The following HS6ST3 variants were observed in gnomAD, a reference collection of about 807,000 sequenced individuals.
HS6ST3 encodes heparan-sulfate 6-O-sulfotransferase 3.
A neutral mutation model predicts 36.7 loss-of-function variants in HS6ST3; 12 were observed. The observed-to-expected ratio is 0.33, with a 90% CI of 0.21 to 0.53. The LOEUF (loss-of-function observed/expected upper bound fraction) is 0.53, where lower values mean the gene tolerates loss of function less well. HS6ST3 is among the 20% of genes least tolerant of loss of function. The probability of loss-of-function intolerance (pLI) is 0.95; values close to 1 mark genes in which losing one functional copy is unlikely to be tolerated. For missense variants in HS6ST3, 584 were observed against 640.9 expected, an observed-to-expected ratio of 0.91 and a Z score of 0.96; for synonymous variants, 240 against 257.5, an observed-to-expected ratio of 0.93 and a Z score of 0.65.
Position 96,744,734 on chromosome 13 carries a change from G to A in HS6ST3, c.708-87756G>A, listed in dbSNP as rs547895653. Among the ~76,000 whole-genome samples the A allele has an allele frequency of 6.2e-4, 94 of 152,082 alleles. 2 individuals are homozygous for A. Among genetic ancestry groups the A allele is most frequent in the Non-Finnish European group, 1.1e-3 (78 of 67,980 alleles). On this transcript the variant is annotated intron_variant, in intron 1 of 1. Coordinates refer to ENST00000376705, the MANE Select transcript of HS6ST3 (RefSeq NM_153456.4). ...AGTCATGAGGGCAGAGCTTTCTGCGGTGGCAGGGTAGCCAAGATGAAAGGG... is the reference window on the plus strand; with the variant it reads ...AGTCATGAGGGCAGAGCTTTCTGCGATGGCAGGGTAGCCAAGATGAAAGGG...
At chr13:96,453,767 A>G (rs1295407293) in intron 1 of HS6ST3, among the ~76,000 whole-genome samples, 3 of 152,246 alleles carry the variant, frequency 2.0e-5, no homozygotes, top group Admixed American at 6.5e-5. Context: ...ATTACATCAC[A>G]GCACTGCTTA....
intron 1 of HS6ST3, among the ~76,000 whole-genome samples, chr13:96,737,518 G>A (rs1006304439): frequency 2.7e-5 from 4 of 150,250 alleles, no homozygotes; most frequent in East Asian, 3.9e-4. Context: ...CCAGCTACTC[G>A]GGAGGCTGAG....
At chr13:96,215,539 T>G (rs1471670527) in intron 1 of HS6ST3, among the ~76,000 whole-genome samples, 1 of 152,204 alleles carries the variant, frequency 6.6e-6, no homozygotes, top group Non-Finnish European at 1.5e-5. Context: ...TAAAAAAGAC[T>G]TAAGGGGAAG....
At chr13:96,580,914 C>T (rs1052347327) in intron 1 of HS6ST3, among the ~76,000 whole-genome samples, 6 of 151,870 alleles carry the variant, frequency 4.0e-5, no homozygotes, top group South Asian at 2.1e-4. Flanking sequence ...TTAATAATTT[C>T]ATAAGAAGTA....
chr13:96,599,739 G>A (rs2056414759), intron 1 of HS6ST3, among the ~76,000 whole-genome samples: 1 of 151,776 alleles, frequency 6.6e-6, no homozygotes, highest in Non-Finnish European at 1.5e-5. Context: ...GTAAGTTTGT[G>A]ATCTTTCTGT....
chr13:96,441,918 A>C (rs1019167447), intron 1 of HS6ST3, among the ~76,000 whole-genome samples: 4 of 152,222 alleles, frequency 2.6e-5, no homozygotes, highest in Non-Finnish European at 4.4e-5. Context: ...AAGTGAAAAA[A>C]ATCAATGGAA....
chr13:96,389,825 A>T (rs1231560670), intron 1 of HS6ST3, among the ~76,000 whole-genome samples: 1 of 152,176 alleles, frequency 6.6e-6, no homozygotes, highest in Non-Finnish European at 1.5e-5. Flanking sequence ...CAGAATCAAA[A>T]TGGAGCTCTG....
intron 1 of HS6ST3, among the ~76,000 whole-genome samples, chr13:96,765,175 G>A (rs953462861): frequency 9.5e-5 from 14 of 146,606 alleles, no homozygotes; most frequent in African/African-American, 3.5e-4. Flanking sequence ...CTGGGTTCAC[G>A]CCATTCTCCT....
At chr13:96,240,449 T>A (rs114003768) in intron 1 of HS6ST3, among the ~76,000 whole-genome samples, 1,825 of 152,288 alleles carry the variant, frequency 0.012, 30 homozygotes, top group African/African-American at 0.041. Context: ...TTGTATATAT[T>A]TTTTAAAAAG....
At chr13:96,489,111 CT>C (rs1646525781) in intron 1 of HS6ST3, among the ~76,000 whole-genome samples, 1 of 151,976 alleles carries the variant, frequency 6.6e-6, no homozygotes, top group Non-Finnish European at 1.5e-5. Flanking sequence ...TTTAGAGTCT[CT>C]AAAATACATC....
chr13:96,635,510 C>T (rs977489785), intron 1 of HS6ST3, among the ~76,000 whole-genome samples: 11 of 152,110 alleles, frequency 7.2e-5, no homozygotes, highest in Non-Finnish European at 1.3e-4. Flanking sequence ...AGTCTTCTCC[C>T]AATAGTCTTC....
intron 1 of HS6ST3, among the ~76,000 whole-genome samples, chr13:96,342,241 G>A (rs527303849): frequency 1.5e-3 from 233 of 152,260 alleles, no homozygotes; most frequent in Middle Eastern, 0.014. Flanking sequence ...GGACATTTAT[G>A]ATTTGAGACT....
intron 1 of HS6ST3, among the ~76,000 whole-genome samples, chr13:96,489,375 A>C (rs1376125474): frequency 6.8e-6 from 1 of 147,992 alleles, no homozygotes; most frequent in African/African-American, 2.5e-5. Flanking sequence ...TGTATATACA[A>C]ACACACACAC....
intron 1 of HS6ST3, among the ~76,000 whole-genome samples, chr13:96,268,825 G>A (rs1267486378): frequency 6.6e-6 from 1 of 151,502 alleles, no homozygotes; most frequent in Admixed American, 6.6e-5. Flanking sequence ...GAAGACACAC[G>A]CACACACATA....
intron 1 of HS6ST3, among the ~76,000 whole-genome samples, chr13:96,137,697 C>G (rs770012933): frequency 7.9e-5 from 12 of 152,198 alleles, no homozygotes; most frequent in Non-Finnish European, 1.3e-4. Flanking sequence ...TCCCAAAGTA[C>G]TGGGATTACA....
chr13:96,787,478 A>T (rs1029988693), intron 1 of HS6ST3, among the ~76,000 whole-genome samples: 1 of 152,032 alleles, frequency 6.6e-6, no homozygotes, highest in Non-Finnish European at 1.5e-5. Context: ...ATTCTAATAG[A>T]TGTATGATAG....
intron 1 of HS6ST3, among the ~76,000 whole-genome samples, chr13:96,343,965 A>G (rs893871553): frequency 1.3e-5 from 2 of 152,234 alleles, no homozygotes; most frequent in South Asian, 4.2e-4. Context: ...GATGGTCTCA[A>G]TCTCCTGACC....
intron 1 of HS6ST3, among the ~76,000 whole-genome samples, chr13:96,300,331 A>G (rs926551155): frequency 2.0e-5 from 3 of 152,038 alleles, no homozygotes; most frequent in Non-Finnish European, 4.4e-5. Flanking sequence ...TGCTGGGATT[A>G]CAAGAGTGAG....
At chr13:96,736,508 A>G (rs551867867) in intron 1 of HS6ST3, among the ~76,000 whole-genome samples, 1 of 152,302 alleles carries the variant, frequency 6.6e-6, no homozygotes, top group East Asian at 1.9e-4. Context: ...AGAGACTTTA[A>G]GCTATTTATT....
Sources: allele counts gnomAD v4.1 joint callset (sites outside exome capture counted in the v4.1 genomes callset), GRCh38; gene constraint gnomAD v4.1.1; transcripts MANE v1.5; gene names NCBI Gene and HGNC (gene_info 2026-07-23, HGNC 2026-07-21).